BTBD7: variants seen among roughly 807,000 people sequenced by gnomAD.
BTBD7 encodes the protein BTB/POZ domain-containing protein 7.
Under a neutral mutation model 99.9 loss-of-function variants are expected in BTBD7, and 38 were observed. That is an observed-to-expected ratio of 0.38 (90% CI 0.29 to 0.50). The LOEUF is 0.50. Among genes scored for constraint, BTBD7 ranks in the 20% least tolerant of loss-of-function variants. BTBD7 has a pLI of 0.93. For synonymous variants in BTBD7, 520 were observed against 511.4 expected, an observed-to-expected ratio of 1.02 and a Z score of -0.23; for missense variants, 1,170 against 1,394.6, an observed-to-expected ratio of 0.84 and a Z score of 2.57.
intron 3 of BTBD7, among the ~76,000 whole-genome samples, chr14:93,279,642 G>C (rs1406644140): frequency 6.6e-6 from 1 of 152,116 alleles, no homozygotes; most frequent in African/African-American, 2.4e-5. Context: ...CCGACTCCCG[G>C]GTTCAAGCGA....
intron 1 of BTBD7, among the ~76,000 whole-genome samples, chr14:93,330,467 C>A (rs138371699): frequency 2.0e-5 from 3 of 152,142 alleles, no homozygotes; most frequent in African/African-American, 7.2e-5. Flanking sequence ...TCTTTGGACT[C>A]TTGGGGTCTC....
intron 1 of BTBD7, among the ~76,000 whole-genome samples, chr14:93,296,791 A>C (rs2052933577): frequency 6.6e-6 from 1 of 151,842 alleles, no homozygotes; most frequent in South Asian, 2.1e-4. Context: ...TTATCTATCC[A>C]CCCCATAAAG....
At chr14:93,325,160 C>T (rs1424807337) in intron 1 of BTBD7, among the ~76,000 whole-genome samples, 1 of 138,052 alleles carries the variant, frequency 7.2e-6, no homozygotes, top group African/African-American at 2.7e-5. Flanking sequence ...ATCACCCAGG[C>T]TGAAGTGCAG....
At chr14:93,284,531 A>C (rs1266527724) in intron 3 of BTBD7, among the ~76,000 whole-genome samples, 1 of 152,032 alleles carries the variant, frequency 6.6e-6, no homozygotes, top group Non-Finnish European at 1.5e-5. Flanking sequence ...TGTAACTGAC[A>C]GTATACTAAG....
At position 93,242,011 on chromosome 14, in the gene BTBD7, A is replaced by G. The variant is rs1487651630; in HGVS notation, c.*262T>C. 1.3e-5 allele frequency: 6 copies of G among 463,402 alleles called. No homozygotes were observed. The highest frequency in any genetic ancestry group is 2.3e-5 in the Non-Finnish European group (6 of 264,150). 28.7% of individuals were successfully genotyped at this position (463,402 alleles called of 1,614,324 possible). ...TTCCATCATTTGTAAAGAGAAATAA[A>G]AAGTGCCAGCCTGCTTGTTCTTAAA... On this transcript the variant is annotated 3_prime_UTR_variant, in exon 11 of 11. Transcript: ENST00000334746.
At position 93,240,436 on chromosome 14, in the gene BTBD7, A is replaced by G. The variant is rs1241672115; in HGVS notation, c.*1837T>C. 6.5e-6 allele frequency: 1 copy of G among 152,686 alleles called. No homozygotes were observed. 9.5% of individuals were successfully genotyped at this position (152,686 alleles called of 1,614,324 possible). A position where few individuals can be genotyped will look rare whatever the true frequency, so the allele number is the denominator to read the frequency against. ...GGAGAAATCAGCGTTGTTGACACCC[A>G]ATAGAAAACCTATTTACTTCAAAGT... On this transcript the variant is annotated 3_prime_UTR_variant, in exon 11 of 11. Coordinates refer to ENST00000334746, the MANE Select transcript of BTBD7 (RefSeq NM_001002860.4).
chr14:93,262,728 C>T (rs2052502871), intron 4 of BTBD7, among the ~76,000 whole-genome samples: 1 of 151,712 alleles, frequency 6.6e-6, no homozygotes, highest in Non-Finnish European at 1.5e-5. Context: ...GCAATGTAGC[C>T]CTCATTTCTT....
At chr14:93,303,876 A>T (rs10129515) in intron 1 of BTBD7, among the ~76,000 whole-genome samples, 5 of 152,108 alleles carry the variant, frequency 3.3e-5, no homozygotes, top group Admixed American at 6.5e-5. Context: ...GGACAATGGG[A>T]GTCGCTTATT....
chr14:93,290,511 CTTTTTTT>C (rs10548430), intron 3 of BTBD7, among the ~76,000 whole-genome samples: 3 of 76,536 alleles, frequency 3.9e-5, no homozygotes, highest in African/African-American at 1.0e-4. Context: ...TGCACTTGGC[CTTTTTTT>C]TTTTTTTTTT....
At chr14:93,253,981 C>T (rs11626822) in intron 6 of BTBD7, among the ~76,000 whole-genome samples, 191 bp from the exon 7 acceptor site, 2,664 of 151,532 alleles carry the variant, frequency 0.018, 40 homozygotes, top group South Asian at 0.076. Context: ...ACTGTCGCCC[C>T]GGCTGGAGTG....
intron 3 of BTBD7, among the ~76,000 whole-genome samples, chr14:93,265,714 G>A (rs1213543343): frequency 1.3e-5 from 2 of 152,240 alleles, no homozygotes; most frequent in Admixed American, 1.3e-4. Context: ...CTGAGGTCAG[G>A]AGTTCGAGAC....
intron 6 of BTBD7, among the ~76,000 whole-genome samples, chr14:93,254,626 C>A (rs1464303552): frequency 6.6e-6 from 1 of 152,164 alleles, no homozygotes; most frequent in Non-Finnish European, 1.5e-5. Context: ...ACTTTAAGGG[C>A]TCCTGTATGG....
At chr14:93,264,369 G>A (rs2052520332) in intron 3 of BTBD7, among the ~76,000 whole-genome samples, 1 of 152,216 alleles carries the variant, frequency 6.6e-6, no homozygotes, top group South Asian at 2.1e-4. Flanking sequence ...GGAAGTGGAT[G>A]ACACCTGACT....
chr14:93,328,253 A>G (rs144784247), intron 1 of BTBD7, among the ~76,000 whole-genome samples: 1 of 152,310 alleles, frequency 6.6e-6, no homozygotes, highest in East Asian at 1.9e-4. Context: ...TTGCAGAAAT[A>G]GAAAAACCCA....
intron 1 of BTBD7, among the ~76,000 whole-genome samples, chr14:93,301,555 T>C (rs2053005322): frequency 1.3e-5 from 2 of 151,608 alleles, no homozygotes; most frequent in Admixed American, 1.3e-4. Context: ...CCAGGTGTAG[T>C]GGTACGTGCC....
At chr14:93,271,363 G>A (rs1298241235) in intron 3 of BTBD7, among the ~76,000 whole-genome samples, 1 of 152,178 alleles carries the variant, frequency 6.6e-6, no homozygotes, top group African/African-American at 2.4e-5. Context: ...GGGGTGGAAA[G>A]AGGAAGGAGG....
At chr14:93,312,918 T>C (rs80283141) in intron 1 of BTBD7, among the ~76,000 whole-genome samples, 2,985 of 152,240 alleles carry the variant, frequency 0.02, 51 homozygotes, top group South Asian at 0.076. Flanking sequence ...TTGAACCTAA[T>C]GCCATGCCCA....
At chr14:93,330,513 C>T (rs750426746) in intron 1 of BTBD7, among the ~76,000 whole-genome samples, 14 of 152,192 alleles carry the variant, frequency 9.2e-5, no homozygotes, top group Non-Finnish European at 1.9e-4. Context: ...CAACAGCATT[C>T]TTTGCATTAG....
In BTBD7 at chr14:93,254,174, T is replaced by G. The variant is rs188633701; in HGVS notation, c.1609-384A>C. Reference sequence around the variant, plus strand: ...GGCTGGTCTGGAACTCCTGACCTCGTGATCTGCCCACCTCGGCCTCCCAAA... The same window carrying G: ...GGCTGGTCTGGAACTCCTGACCTCGGGATCTGCCCACCTCGGCCTCCCAAA... On this transcript the variant is annotated intron_variant, in intron 6 of 10. Transcript: ENST00000334746. 2.7e-3 allele frequency among the ~76,000 whole-genome samples: 406 copies of G among 152,242 alleles called. 1 individual carries two copies. The highest frequency in any genetic ancestry group is 9.2e-3 in the African/African-American group (384 of 41,564).
Sources: gnomAD v4.1 joint callset for allele counts (sites outside exome capture counted in the v4.1 genomes callset) on GRCh38, gnomAD v4.1.1 for gene constraint, MANE v1.5 for transcripts, NCBI Gene and HGNC (gene_info 2026-07-23, HGNC 2026-07-21) for gene names.